The following TENM3 variants were observed in gnomAD, a reference collection of about 807,000 sequenced individuals.
TENM3 encodes the protein teneurin transmembrane protein 3, also known as teneurin-3.
A neutral mutation model predicts 255.1 loss-of-function variants in TENM3; 63 were observed. The ratio of observed to expected loss-of-function variants is 0.25; its 90% CI spans 0.20 to 0.30. TENM3 has a LOEUF of 0.30. Ranked by LOEUF, TENM3 falls within the 10% of genes least tolerant of loss-of-function variation. The pLI, the probability that TENM3 is intolerant of heterozygous loss-of-function variation, is 1.00. For synonymous variants in TENM3, 1,306 were observed against 1,322.3 expected (o/e 0.99, Z 0.27); for missense variants, 2,929 against 3,461.1 (o/e 0.85, Z 3.86).
intron 13 of TENM3, among the ~76,000 whole-genome samples, chr4:182,719,632 A>AT (rs1313296670): frequency 4.6e-5 from 7 of 151,954 alleles, no homozygotes; most frequent in Non-Finnish European, 7.4e-5. Context: ...AAAACAGGCC[A>AT]TTTTTTCAAG....
At chr4:182,679,599 G>GAA (rs61060098) in intron 7 of TENM3, 67 bp from the exon 8 acceptor site, 215 of 1,095,910 alleles carry the variant, frequency 2.0e-4, no homozygotes, top group African/African-American at 2.6e-4. Context: ...AGATTGAAGA[G>GAA]AAAAAAAAAA....
intron 1 of TENM3, among the ~76,000 whole-genome samples, chr4:182,174,015 T>A (rs1274897218): frequency 7.9e-5 from 12 of 152,148 alleles, no homozygotes; most frequent in Admixed American, 5.2e-4. Flanking sequence ...CACTTTCTTG[T>A]AAGCCATAAA....
chr4:182,730,290 T>C lies in TENM3; in HGVS notation c.2676T>C (p.Tyr892=), dbSNP rs371681036. 2.5e-6 allele frequency: 4 copies of C among 1,613,710 alleles called. No individual in the cohort carries two copies. In the African/African-American group the frequency reaches 4.0e-5, roughly 16 times the overall value. Residue 892 remains tyrosine, a synonymous_variant, in exon 15 of 28, where the codon TAT becomes TAC. Transcript: ENST00000511685. ...TCTCGTTTTTCCATTACCCAGAATA[T>C]GGATATACTATTACCCGCCAGGACG... The part of the protein sequence containing the change: ...VNVSFFHYPE[Y]GYTITRQDGM...
chr4:181,580,246 C>T, the TENM3 span, among the ~76,000 whole-genome samples: 1 of 152,076 alleles, frequency 6.6e-6, no homozygotes, highest in South Asian at 2.1e-4. Flanking sequence ...GACCCACCAG[C>T]CTCGGCCTCC....
the TENM3 span, among the ~76,000 whole-genome samples, chr4:181,561,238 G>T: frequency 6.6e-6 from 1 of 152,194 alleles, no homozygotes; most frequent in Non-Finnish European, 1.5e-5. Flanking sequence ...ACAGGTGTGA[G>T]CCACTGTGCC....
chr4:181,817,233 T>G, the TENM3 span, among the ~76,000 whole-genome samples: 1 of 152,242 alleles, frequency 6.6e-6, no homozygotes. Context: ...ACTCCAGGGC[T>G]TCTCAACCTT....
intron 12 of TENM3, among the ~76,000 whole-genome samples, chr4:182,702,777 G>A (rs1359779662): frequency 2.0e-5 from 3 of 148,838 alleles, no homozygotes; most frequent in Non-Finnish European, 3.0e-5. Context: ...TGGCTCTGTC[G>A]CCCAGGCTGG....
At chr4:182,785,594 G>T (rs1231385508) in intron 24 of TENM3, among the ~76,000 whole-genome samples, 1 of 150,904 alleles carries the variant, frequency 6.6e-6, no homozygotes, top group Non-Finnish European at 1.5e-5. Context: ...TCTCGTCTCA[G>T]CTACTCACGG....
intron 6 of TENM3, among the ~76,000 whole-genome samples, chr4:182,656,563 A>G (rs1421999342): frequency 6.6e-6 from 1 of 152,138 alleles, no homozygotes; most frequent in Non-Finnish European, 1.5e-5. Flanking sequence ...TAAATTTTAT[A>G]TGCTATCCAA....
chr4:182,390,123 A>T (rs1282645267), intron 3 of TENM3, among the ~76,000 whole-genome samples: 1 of 152,176 alleles, frequency 6.6e-6, no homozygotes, highest in African/African-American at 2.4e-5. Context: ...GACAGGCTGC[A>T]GGAAGGGGAT....
the TENM3 span, among the ~76,000 whole-genome samples, chr4:181,746,378 T>C: frequency 6.6e-6 from 1 of 151,922 alleles, no homozygotes; most frequent in Admixed American, 6.6e-5. Flanking sequence ...TCAGGAGTAA[T>C]GTTGGAAAGG....
chr4:182,087,179 G>A, the TENM3 span, among the ~76,000 whole-genome samples: 1 of 152,184 alleles, frequency 6.6e-6, no homozygotes, highest in East Asian at 1.9e-4. Context: ...CGGGCTACAG[G>A]AAAATGACTC....
chr4:181,551,485 C>T, the TENM3 span, among the ~76,000 whole-genome samples: 2 of 152,140 alleles, frequency 1.3e-5, no homozygotes, highest in Non-Finnish European at 2.9e-5. Context: ...CACTATGAAG[C>T]GTTGCTCTGT....
At chr4:181,700,219 T>C in the TENM3 span, among the ~76,000 whole-genome samples, 2 of 112,568 alleles carry the variant, frequency 1.8e-5, no homozygotes, top group Non-Finnish European at 3.6e-5. Flanking sequence ...ATTTTTATTT[T>C]ATTTCAGGGT....
chr4:182,659,258 T>A (rs1581236527), intron 6 of TENM3, among the ~76,000 whole-genome samples: 1 of 152,176 alleles, frequency 6.6e-6, no homozygotes, highest in East Asian at 1.9e-4. Context: ...TCCACAGTTT[T>A]GCTTTTTGTG....
intron 3 of TENM3, among the ~76,000 whole-genome samples, chr4:182,549,688 T>A (rs1303907288): frequency 6.6e-6 from 1 of 152,204 alleles, no homozygotes; most frequent in Non-Finnish European, 1.5e-5. Context: ...CTTTCAGAAG[T>A]ATTTTCTTTC....
At chr4:182,322,242 G>C (rs1349351796) in intron 1 of TENM3, among the ~76,000 whole-genome samples, 1 of 152,170 alleles carries the variant, frequency 6.6e-6, no homozygotes, top group African/African-American at 2.4e-5. Flanking sequence ...CAAAGGTAGA[G>C]AAATCAAGAT....
chr4:182,137,636 A>G, the TENM3 span, among the ~76,000 whole-genome samples: 2 of 152,126 alleles, frequency 1.3e-5, no homozygotes, highest in Non-Finnish European at 2.9e-5. Context: ...CTGGCTGCAC[A>G]CTATAGCTTA....
At chr4:182,092,863 G>A in the TENM3 span, among the ~76,000 whole-genome samples, 6 of 152,254 alleles carry the variant, frequency 3.9e-5, no homozygotes, top group South Asian at 1.0e-3. Flanking sequence ...GGCTTTTCAA[G>A]TACATAGGAC....
Sources: allele counts gnomAD v4.1 joint callset (sites outside exome capture counted in the v4.1 genomes callset), GRCh38; gene constraint gnomAD v4.1.1; transcripts MANE v1.5; gene names NCBI Gene and HGNC (gene_info 2026-07-23, HGNC 2026-07-21).